FSHR: variants seen among roughly 807,000 people sequenced by gnomAD.
FSHR encodes follicle stimulating hormone receptor, also known as follicle-stimulating hormone receptor.
In FSHR, 46 loss-of-function variants were observed where a neutral mutation model predicts 52.1. The ratio of observed to expected loss-of-function variants is 0.88; its 90% CI spans 0.70 to 1.13. The LOEUF is 1.13. Among genes scored for constraint, FSHR ranks in the 50% most tolerant of loss-of-function variants. The probability of loss-of-function intolerance (pLI) is 0.00; values close to 1 mark genes in which losing one functional copy is unlikely to be tolerated. For synonymous variants in FSHR, 399 were observed against 309.6 expected (o/e 1.29, Z -3.03); for missense variants, 964 against 834.6 (o/e 1.16, Z -1.91).
At chr2:49,119,412 T>C (rs973934453) in intron 1 of FSHR, among the ~76,000 whole-genome samples, 13 of 151,912 alleles carry the variant, frequency 8.6e-5, no homozygotes, top group Non-Finnish European at 1.6e-4. Context: ...TGTTTTTTCA[T>C]CCTAGTCATT....
rs769559580 is a variant in FSHR, at chr2:48,990,575, T to G, written c.437A>C (p.Lys146Thr). 5.0e-6 allele frequency: 8 copies of G among 1,609,502 alleles called. No individual in the cohort carries two copies. Among genetic ancestry groups the G allele is most frequent in the Non-Finnish European group, 6.8e-6 (8 of 1,176,062 alleles). Reference sequence around the variant, plus strand: ...CAAGGAAAAAACTTACAGTAAAACTTTTTGGAGAGAATGAATCTTGTGAAC... The same window carrying G: ...CAAGGAAAAAACTTACAGTAAAACTGTTTGGAGAGAATGAATCTTGTGAAC... Reference protein sequence around the residue: ...PDVHKIHSLQKVLLDIQDNIN... With the variant: ...PDVHKIHSLQTVLLDIQDNIN... The change falls in exon 5 of 10, where the codon AAA (lysine) becomes ACA (threonine). Residue 146 changes from lysine to threonine, a missense_variant. Physicochemically the swap from Lys to Thr is moderately conservative, Grantham distance 78. Coordinates refer to ENST00000406846, the MANE Select transcript of FSHR (RefSeq NM_000145.4).
At chr2:49,072,240 C>A (rs1371254599) in intron 1 of FSHR, among the ~76,000 whole-genome samples, 2 of 140,244 alleles carry the variant, frequency 1.4e-5, no homozygotes, top group African/African-American at 4.9e-5. Flanking sequence ...ACCAACCAAC[C>A]AAACAAACAA....
At chr2:49,047,473 C>A (rs1337751172) in intron 2 of FSHR, among the ~76,000 whole-genome samples, 4 of 152,222 alleles carry the variant, frequency 2.6e-5, no homozygotes. Flanking sequence ...GATCACCCTG[C>A]TCTCAAATTT....
intron 1 of FSHR, among the ~76,000 whole-genome samples, chr2:49,124,149 C>T (rs533590261): frequency 3.2e-4 from 43 of 136,012 alleles, no homozygotes; most frequent in African/African-American, 1.0e-3. Context: ...CCCACCACCA[C>T]GTCCGGCTAA....
chr2:49,060,567 C>G (rs1558417520), intron 2 of FSHR, among the ~76,000 whole-genome samples: 1 of 152,240 alleles, frequency 6.6e-6, no homozygotes, highest in Admixed American at 6.5e-5. Context: ...TCCCACAGGC[C>G]TGAGCTGAAG....
At chr2:49,003,044 G>A (rs1666961404) in intron 4 of FSHR, among the ~76,000 whole-genome samples, 1 of 152,178 alleles carries the variant, frequency 6.6e-6, no homozygotes, top group East Asian at 1.9e-4. Flanking sequence ...AATGGGTGAG[G>A]GAAAAGCTCA....
intron 1 of FSHR, among the ~76,000 whole-genome samples, chr2:49,147,126 A>G (rs1003404452): frequency 6.6e-6 from 1 of 152,106 alleles, no homozygotes; most frequent in African/African-American, 2.4e-5. Context: ...CATACGAAAG[A>G]ACAAGGTAAT....
chr2:49,132,968 T>TAAA (rs34913428), intron 1 of FSHR, among the ~76,000 whole-genome samples: 3 of 48,650 alleles, frequency 6.2e-5, no homozygotes, highest in African/African-American at 2.6e-4. Flanking sequence ...TAAAACTCAG[T>TAAA]AAAAAAAAAA....
At chr2:49,084,630 T>G (rs1257513180) in intron 1 of FSHR, among the ~76,000 whole-genome samples, 2 of 151,874 alleles carry the variant, frequency 1.3e-5, no homozygotes, top group East Asian at 3.9e-4. Flanking sequence ...AGAGAAGAAT[T>G]CAGTAGACGC....
At chr2:49,083,652 C>G (rs1163376683) in intron 1 of FSHR, among the ~76,000 whole-genome samples, 2 of 150,318 alleles carry the variant, frequency 1.3e-5, no homozygotes, top group East Asian at 3.9e-4. Flanking sequence ...GGAGGAAGCT[C>G]TACCAAGCAA....
At chr2:49,093,746 C>T (rs1670708728) in intron 1 of FSHR, among the ~76,000 whole-genome samples, 1 of 151,916 alleles carries the variant, frequency 6.6e-6, no homozygotes, top group South Asian at 2.1e-4. Flanking sequence ...AGGCGTGCAC[C>T]ACCACGCCTG....
At chr2:49,113,715 G>C (rs545316261) in intron 1 of FSHR, among the ~76,000 whole-genome samples, 1 of 152,100 alleles carries the variant, frequency 6.6e-6, no homozygotes, top group South Asian at 2.1e-4. Context: ...TTTCTATTTT[G>C]ACAGTGACTT....
At chr2:49,033,697 C>G (rs1412733572) in intron 2 of FSHR, among the ~76,000 whole-genome samples, 1 of 152,140 alleles carries the variant, frequency 6.6e-6, no homozygotes, top group Non-Finnish European at 1.5e-5. Context: ...CTCCTCCCCC[C>G]TGTTCCCTAT....
chr2:48,985,242 G>C (rs1675442279), intron 6 of FSHR, among the ~76,000 whole-genome samples: 1 of 152,160 alleles, frequency 6.6e-6, no homozygotes. Context: ...ACTCAGCAGA[G>C]GCTCAGGAAG....
chr2:49,080,362 A>G (rs1426002181), intron 1 of FSHR, among the ~76,000 whole-genome samples: 3 of 152,204 alleles, frequency 2.0e-5, no homozygotes, highest in Admixed American at 6.5e-5. Context: ...TCTCTGCCAC[A>G]TGTACACCTG....
chr2:48,990,767 A>G (rs1675735072), intron 4 of FSHR, 130 bp from the exon 5 acceptor site: 2 of 708,456 alleles, frequency 2.8e-6, no homozygotes, highest in East Asian at 2.6e-5. Context: ...AAGCCCGTAT[A>G]TACGTGAATT....
intron 1 of FSHR, among the ~76,000 whole-genome samples, chr2:49,089,821 T>G (rs1361638663): frequency 6.6e-6 from 1 of 152,210 alleles, no homozygotes; most frequent in Admixed American, 6.5e-5. Flanking sequence ...TGAAAAATGA[T>G]AGTGGAGAGC....
chr2:49,137,680 C>T (rs1672534256), intron 1 of FSHR, among the ~76,000 whole-genome samples: 1 of 151,982 alleles, frequency 6.6e-6, no homozygotes, highest in African/African-American at 2.4e-5. Flanking sequence ...AGAAATAAAC[C>T]TATATATCTA....
At chr2:49,148,490 C>T (rs992563048) in intron 1 of FSHR, among the ~76,000 whole-genome samples, 2 of 151,990 alleles carry the variant, frequency 1.3e-5, no homozygotes, top group African/African-American at 4.8e-5. Context: ...TTTGTACTAC[C>T]TGTAATTGAG....
Sources: gnomAD v4.1 joint callset for allele counts (sites outside exome capture counted in the v4.1 genomes callset) on GRCh38, gnomAD v4.1.1 for gene constraint, MANE v1.5 for transcripts, NCBI Gene and HGNC (gene_info 2026-07-23, HGNC 2026-07-21) for gene names.